Variants in MCUB observed in about 807,000 individuals in gnomAD.
The protein encoded by MCUB is calcium uniporter regulatory subunit MCUb, mitochondrial.
MCUB carries 46 observed loss-of-function variants against 41.4 expected under a neutral mutation model. The ratio of observed to expected loss-of-function variants is 1.11; its 90% CI spans 0.88 to 1.42. The LOEUF (loss-of-function observed/expected upper bound fraction) is 1.42, where lower values mean the gene tolerates loss of function less well. Among genes scored for constraint, MCUB ranks in the 40% most tolerant of loss-of-function variants. The pLI, the probability that MCUB is intolerant of heterozygous loss-of-function variation, is 0.00. For synonymous variants in MCUB, 148 were observed against 148.2 expected (o/e 1.00, Z 0.01); for missense variants, 403 against 404.9 (o/e 1.00, Z 0.04).
At chr4:109,611,463 A>G (rs1728006258) in intron 1 of MCUB, among the ~76,000 whole-genome samples, 1 of 152,212 alleles carries the variant, frequency 6.6e-6, no homozygotes, top group African/African-American at 2.4e-5. Context: ...ATGTATTTCC[A>G]TGTCTTGGGA....
intron 4 of MCUB, among the ~76,000 whole-genome samples, chr4:109,675,465 G>T (rs953104253): frequency 1.3e-5 from 2 of 152,176 alleles, no homozygotes; most frequent in Non-Finnish European, 2.9e-5. Context: ...CATAGCTCAA[G>T]GCCACATCAT....
chr4:109,596,741 ATTTATT>A (rs1320701894), intron 1 of MCUB, among the ~76,000 whole-genome samples: 2 of 146,480 alleles, frequency 1.4e-5, no homozygotes, highest in Admixed American at 6.8e-5. Context: ...TTTTTTTTTA[ATTTATT>A]TTTTATTGAT....
intron 4 of MCUB, among the ~76,000 whole-genome samples, chr4:109,674,445 G>C (rs1299825205): frequency 6.6e-6 from 1 of 152,170 alleles, no homozygotes; most frequent in African/African-American, 2.4e-5. Flanking sequence ...AATCCTGAAG[G>C]TACTCCCAGT....
At chr4:109,685,560 A>G (rs1473362150) in intron 7 of MCUB, among the ~76,000 whole-genome samples, 193 bp downstream of exon 7, 2 of 152,224 alleles carry the variant, frequency 1.3e-5, no homozygotes, top group East Asian at 3.8e-4. Context: ...CTGTACATGA[A>G]GATAGCTTTA....
At chr4:109,640,846 C>T (rs2126140225) in intron 1 of MCUB, among the ~76,000 whole-genome samples, 1 of 152,332 alleles carries the variant, frequency 6.6e-6, no homozygotes, top group Middle Eastern at 3.4e-3. Flanking sequence ...TTCTCTTTTG[C>T]ATTCACTACC....
Position 109,577,832 on chromosome 4 carries a change from G to A in MCUB, c.99+17396G>A, listed in dbSNP as rs1230480428. Among the ~76,000 whole-genome samples, 18 of 30,558 alleles carry A rather than the reference G, an allele frequency of 5.9e-4. 7 individuals are homozygous for A. The highest frequency in any genetic ancestry group is 6.9e-4 in the Non-Finnish European group (9 of 13,080). The allele number at this position is 30,558 out of a possible 152,430, so 20.0% of individuals were successfully genotyped here. A position where few individuals can be genotyped will look rare whatever the true frequency, so the allele number is the denominator to read the frequency against. On this transcript the variant is annotated intron_variant, in intron 1 of 7. Transcript: ENST00000394650. Reference sequence around the variant, plus strand: ...TCACCATGTTGGTCAGGATGGTCTCGATCTCCTGACCTCGTGATCCGCCCG... The same window carrying A: ...TCACCATGTTGGTCAGGATGGTCTCAATCTCCTGACCTCGTGATCCGCCCG...
chr4:109,613,233 C>T (rs1728057176), intron 1 of MCUB, among the ~76,000 whole-genome samples: 1 of 152,106 alleles, frequency 6.6e-6, no homozygotes, highest in South Asian at 2.1e-4. Context: ...TAACAAGCTT[C>T]TATTAATTAT....
intron 1 of MCUB, among the ~76,000 whole-genome samples, chr4:109,623,957 C>T (rs910152436): frequency 6.6e-6 from 1 of 152,122 alleles, no homozygotes; most frequent in African/African-American, 2.4e-5. Flanking sequence ...TCAAATGATC[C>T]TCCTGGCACA....
At chr4:109,609,268 G>C (rs1727947896) in intron 1 of MCUB, among the ~76,000 whole-genome samples, 1 of 152,216 alleles carries the variant, frequency 6.6e-6, no homozygotes, top group Non-Finnish European at 1.5e-5. Context: ...TCCATAGACA[G>C]AGCAGCCCCT....
intron 1 of MCUB, among the ~76,000 whole-genome samples, chr4:109,597,658 AGACCGGGCGGCT>A: frequency 8.1e-6 from 1 of 122,708 alleles, no homozygotes; most frequent in East Asian, 2.7e-4. Flanking sequence ...CCTCCCTCCC[AGACCGGGCGGCT>A]GGCCGGGCGG....
chr4:109,650,071 A>G lies in MCUB; in HGVS notation c.100-8940A>G, dbSNP rs574251541. ...TATCATATCCCCCTATCAAGGGGGG[A>G]ATGGTAGGCTCCTCAAGATGGGTTT... On this transcript the variant is annotated intron_variant, in intron 1 of 7. Coordinates refer to ENST00000394650, the MANE Select transcript of MCUB (RefSeq NM_017918.5). Among the ~76,000 whole-genome samples the G allele has an allele frequency of 8.5e-5, 13 of 152,212 alleles. No homozygotes were observed. The South Asian group carries it at 1.9e-3, about 22-fold the overall frequency.
intron 1 of MCUB, among the ~76,000 whole-genome samples, chr4:109,588,321 C>T (rs1727354840): frequency 1.3e-5 from 2 of 152,138 alleles, no homozygotes; most frequent in Admixed American, 1.3e-4. Context: ...TCTCATTTTG[C>T]GGTGGTGATG....
chr4:109,679,517 G>A (rs1729667023), intron 4 of MCUB, among the ~76,000 whole-genome samples: 1 of 152,148 alleles, frequency 6.6e-6, no homozygotes, highest in South Asian at 2.1e-4. Context: ...GTGGCAGCAC[G>A]TGCCTGGAAT....
chr4:109,608,216 C>A (rs145968365), intron 1 of MCUB, among the ~76,000 whole-genome samples: 178 of 152,198 alleles, frequency 1.2e-3, no homozygotes, highest in African/African-American at 4.0e-3. Flanking sequence ...TTCTTCAACT[C>A]CAGAATTTCT....
chr4:109,608,639 A>G (rs1727932799), intron 1 of MCUB, among the ~76,000 whole-genome samples: 2 of 151,578 alleles, frequency 1.3e-5, no homozygotes, highest in Admixed American at 6.6e-5. Flanking sequence ...GGCATGCACC[A>G]CCACATCCAG....
intron 1 of MCUB, among the ~76,000 whole-genome samples, chr4:109,587,267 G>C (rs1163552566): frequency 1.3e-5 from 2 of 152,364 alleles, no homozygotes; most frequent in East Asian, 1.9e-4. Flanking sequence ...CACTGAGCCA[G>C]GCACAGGATA....
intron 1 of MCUB, among the ~76,000 whole-genome samples, chr4:109,619,459 G>A (rs1027826463): frequency 2.0e-5 from 3 of 152,180 alleles, no homozygotes; most frequent in African/African-American, 4.8e-5. Context: ...TGTAATCCCA[G>A]CACTTTGGGA....
intron 1 of MCUB, among the ~76,000 whole-genome samples, chr4:109,576,157 G>A (rs1046450872): frequency 6.6e-6 from 1 of 152,312 alleles, no homozygotes; most frequent in East Asian, 1.9e-4. Context: ...AGGAGGAGAC[G>A]AAATACGGAT....
In MCUB at chr4:109,684,646, G is replaced by A. The variant is rs201112233; in HGVS notation, c.816G>A (p.Gln272=). 2.2e-5 allele frequency: 31 copies of A among 1,383,814 alleles called. No individual in the cohort carries two copies. The highest frequency in any genetic ancestry group is 1.1e-4 in the Admixed American group (6 of 56,740). 85.7% of individuals were successfully genotyped at this position (1,383,814 alleles called of 1,614,324 possible). The change falls in exon 6 of 8, where the codon CAG becomes CAA. Residue 272 remains glutamine (Q), a splice_region_variant and synonymous_variant. Transcript: ENST00000394650. Reference sequence around the variant, plus strand: ...TTGCATACTTTATAGTCACTCGACAGGTGAGTAGTTTGTTAGGAAAATGGT... The same window carrying A: ...TTGCATACTTTATAGTCACTCGACAAGTGAGTAGTTTGTTAGGAAAATGGT... The part of the protein sequence containing the change: ...VFFAYFIVTR[Q]DYTYSAVKSR...
Sources: allele counts gnomAD v4.1 joint callset (sites outside exome capture counted in the v4.1 genomes callset), GRCh38; gene constraint gnomAD v4.1.1; transcripts MANE v1.5; gene names NCBI Gene and HGNC (gene_info 2026-07-23, HGNC 2026-07-21).